MBD5: variants seen among roughly 807,000 people sequenced by gnomAD.
The protein encoded by MBD5 is methyl-CpG binding domain protein 5.
A neutral mutation model predicts 117.3 loss-of-function variants in MBD5; 13 were observed. That is an observed-to-expected ratio of 0.11 (90% CI 0.07 to 0.18). MBD5 has a LOEUF of 0.18. Among genes scored for constraint, MBD5 ranks in the 10% least tolerant of loss-of-function variants. MBD5 has a pLI of 1.00. For synonymous variants in MBD5, 727 were observed against 766.4 expected, an observed-to-expected ratio of 0.95 and a Z score of 0.85; for missense variants, 1,879 against 2,093.8, an observed-to-expected ratio of 0.90 and a Z score of 2.00.
chr2:148,433,186 A>G (rs1428700155), intron 4 of MBD5, among the ~76,000 whole-genome samples: 1 of 152,030 alleles, frequency 6.6e-6, no homozygotes, highest in East Asian at 1.9e-4. Context: ...GGTGTATGGG[A>G]ATGCTACTGA....
intron 1 of MBD5, among the ~76,000 whole-genome samples, chr2:148,045,626 C>T (rs761290246): frequency 8.5e-5 from 13 of 152,070 alleles, no homozygotes; most frequent in Non-Finnish European, 8.8e-5. Flanking sequence ...CAGAATGTGG[C>T]AGAACTAATA....
At chr2:148,292,885 C>A (rs1701531092) in intron 3 of MBD5, among the ~76,000 whole-genome samples, 1 of 145,124 alleles carries the variant, frequency 6.9e-6, no homozygotes, top group African/African-American at 2.5e-5. Flanking sequence ...GAGTACCATT[C>A]AGCCATAAAA....
intron 2 of MBD5, among the ~76,000 whole-genome samples, chr2:148,180,681 C>T (rs1185494098): frequency 6.6e-6 from 1 of 151,958 alleles, no homozygotes; most frequent in Non-Finnish European, 1.5e-5. Flanking sequence ...CATGCATGTG[C>T]CACCTCGCCC....
chr2:148,376,149 C>T (rs542560180), intron 4 of MBD5, among the ~76,000 whole-genome samples: 37 of 151,780 alleles, frequency 2.4e-4, no homozygotes, highest in African/African-American at 8.2e-4. Flanking sequence ...AGTTCTCTAT[C>T]CTGTTTGACC....
intron 1 of MBD5, among the ~76,000 whole-genome samples, chr2:148,151,618 A>C (rs374245976): frequency 5.3e-5 from 8 of 152,096 alleles, no homozygotes; most frequent in South Asian, 2.1e-4. Flanking sequence ...ACAATTTCAG[A>C]TCCTGTTATT....
At chr2:148,110,997 A>G (rs1470564167) in intron 1 of MBD5, among the ~76,000 whole-genome samples, 1 of 151,684 alleles carries the variant, frequency 6.6e-6, no homozygotes, top group East Asian at 1.9e-4. Flanking sequence ...ATTTTTTTGA[A>G]GTTTCTTCTG....
At chr2:148,420,138 G>A (rs929764374) in intron 4 of MBD5, among the ~76,000 whole-genome samples, 4 of 152,034 alleles carry the variant, frequency 2.6e-5, no homozygotes, top group Non-Finnish European at 5.9e-5. Context: ...AGCATTTAAT[G>A]ACTTTTTTTA....
chr2:148,024,566 C>T (rs1029511594), intron 1 of MBD5, among the ~76,000 whole-genome samples: 2 of 152,162 alleles, frequency 1.3e-5, no homozygotes, highest in Non-Finnish European at 2.9e-5. Context: ...AATTTCTTTA[C>T]TTCCATATGT....
At chr2:148,487,184 C>CT (rs1208683340) in intron 10 of MBD5, among the ~76,000 whole-genome samples, 1 of 152,132 alleles carries the variant, frequency 6.6e-6, no homozygotes, top group Non-Finnish European at 1.5e-5. Flanking sequence ...CAGAACAGTA[C>CT]TTTTAAATCT....
At chr2:148,262,498 A>G (rs1700754833) in intron 3 of MBD5, among the ~76,000 whole-genome samples, 1 of 152,180 alleles carries the variant, frequency 6.6e-6, no homozygotes, top group South Asian at 2.1e-4. Context: ...ATGTTCATTC[A>G]TGTAACCCTC....
Position 148,483,991 on chromosome 2 carries a change from C to CT in MBD5, c.3402dup (p.Gly1135TrpfsTer17). The CT allele has an allele frequency of 6.4e-7, 1 of 1,550,492 alleles. No homozygotes were observed. Among genetic ancestry groups the CT allele is most frequent in the Non-Finnish European group, 8.7e-7 (1 of 1,146,926 alleles). ...AGTGGCAGCACTGACTGTCTCAACA[C>CT]TTGGTGGGACAGCAGTGGTGTCAAT... On this transcript the variant is annotated frameshift_variant, in exon 9 of 14. Transcript: ENST00000642680. LOFTEE classifies it high-confidence loss of function.
chr2:148,275,851 T>C (rs1003422228), intron 3 of MBD5, among the ~76,000 whole-genome samples: 4 of 152,138 alleles, frequency 2.6e-5, no homozygotes, highest in African/African-American at 9.7e-5. Context: ...TAAAATCACC[T>C]GTTTGCTGCT....
intron 1 of MBD5, among the ~76,000 whole-genome samples, chr2:148,129,027 T>C (rs943017163): frequency 6.6e-6 from 1 of 152,186 alleles, no homozygotes; most frequent in East Asian, 1.9e-4. Context: ...AGGCTAGCGA[T>C]TTCAAATTGC....
In MBD5 at chr2:148,112,761, G is replaced by GA. The variant is rs987319107; in HGVS notation, c.-924-65928dup. Among the ~76,000 whole-genome samples the GA allele has an allele frequency of 1.3e-3, 192 of 147,442 alleles. 3 individuals are homozygous for GA. The highest frequency in any genetic ancestry group is 1.3e-3 in the Admixed American group (19 of 14,820). ...TTGGTCTACTATGGTGCTGAAATTG[G>GA]AAAAAAAAAAATTCAATCTGGACTC... On this transcript the variant is annotated intron_variant, in intron 1 of 13. Transcript: ENST00000642680.
At chr2:148,487,871 C>A (rs991494897) in intron 10 of MBD5, among the ~76,000 whole-genome samples, 1 of 152,108 alleles carries the variant, frequency 6.6e-6, no homozygotes, top group Non-Finnish European at 1.5e-5. Context: ...AAATTTATTT[C>A]TGAAAAAAAC....
At chr2:148,120,811 A>G (rs2105402790) in intron 1 of MBD5, among the ~76,000 whole-genome samples, 1 of 152,324 alleles carries the variant, frequency 6.6e-6, no homozygotes, top group South Asian at 2.1e-4. Flanking sequence ...AAACTCCAGT[A>G]CAATGTTTAA....
chr2:148,082,257 C>A (rs1254017927), intron 1 of MBD5, among the ~76,000 whole-genome samples: 9 of 152,126 alleles, frequency 5.9e-5, no homozygotes, highest in Non-Finnish European at 1.5e-5. Flanking sequence ...TTTATCTGAA[C>A]CCTGAGTTTT....
At chr2:148,154,607 G>A (rs968093884) in intron 1 of MBD5, among the ~76,000 whole-genome samples, 3 of 152,228 alleles carry the variant, frequency 2.0e-5, no homozygotes, top group African/African-American at 7.2e-5. Flanking sequence ...AGGACCCTCT[G>A]AGCCAGGTGC....
intron 3 of MBD5, among the ~76,000 whole-genome samples, chr2:148,292,849 A>G (rs1270713172): frequency 4.6e-5 from 7 of 152,066 alleles, no homozygotes; most frequent in African/African-American, 1.7e-4. Flanking sequence ...GAATGGATAA[A>G]GAAAATGTGG....
Sources: allele counts gnomAD v4.1 joint callset (sites outside exome capture counted in the v4.1 genomes callset), GRCh38; gene constraint gnomAD v4.1.1; transcripts MANE v1.5; gene names NCBI Gene and HGNC (gene_info 2026-07-23, HGNC 2026-07-21).